The following GTSE1 variants were observed in gnomAD, a reference collection of about 807,000 sequenced individuals.
GTSE1 encodes G2 and S-phase expressed 1.
GTSE1 carries 52 observed loss-of-function variants against 60.5 expected under a neutral mutation model. The ratio of observed to expected loss-of-function variants is 0.86; its 90% CI spans 0.69 to 1.08. The LOEUF (loss-of-function observed/expected upper bound fraction) is 1.08, where lower values mean the gene tolerates loss of function less well. GTSE1 is among the 50% of genes least tolerant of loss of function. GTSE1 has a pLI of 0.00. For synonymous variants in GTSE1, 368 were observed against 386.5 expected, an observed-to-expected ratio of 0.95 and a Z score of 0.56; for missense variants, 937 against 961.8, an observed-to-expected ratio of 0.97 and a Z score of 0.34.
Position 46,330,115 on chromosome 22 carries a change from ACTC to A in GTSE1, c.2209_2211del (p.Leu737del). On this transcript the variant is annotated inframe_deletion, in exon 12 of 12. Coordinates refer to ENST00000454366, the MANE Select transcript of GTSE1 (RefSeq NM_016426.7). This position sits in a 1 kb window ranked among gnomAD's most constrained non-coding sequence, Gnocchi z 6.0. ...CTGACAAGGAGAACGTGGATTCCCC[ACTC>A]CTCAAGTTCTAAGCCGAACCAAATC... 1 of 1,602,348 alleles carries A rather than the reference ACTC, an allele frequency of 6.2e-7. No homozygotes were observed. Among genetic ancestry groups the A allele is most frequent in the Non-Finnish European group, 8.6e-7 (1 of 1,169,268 alleles).
chr22:46,315,768 C>T (rs2077775579), intron 6 of GTSE1, among the ~76,000 whole-genome samples: 3 of 152,144 alleles, frequency 2.0e-5, no homozygotes, highest in South Asian at 2.1e-4. Context: ...ACATAATCAA[C>T]GAAGATAGGA....
In GTSE1 at chr22:46,329,243, T is replaced by C. The variant is rs913841414; in HGVS notation, c.1927-115T>C. The C allele has an allele frequency of 1.4e-5, 12 of 872,598 alleles. No individual in the cohort carries two copies. In the East Asian group the frequency reaches 2.9e-4, roughly 21 times the overall value. The allele number at this position is 872,598 out of a possible 1,614,324, so 54.1% of individuals were successfully genotyped here. A position where few individuals can be genotyped will look rare whatever the true frequency, so the allele number is the denominator to read the frequency against. ...CTCCTTCCACCAAGGCCCCGCCTGA[T>C]TCCTTGGCTTTCCAAACCGCCAGCC... On this transcript the variant is annotated intron_variant, in intron 10 of 11. Coordinates refer to ENST00000454366, the MANE Select transcript of GTSE1 (RefSeq NM_016426.7). The surrounding 1 kb of genome is among the most constrained non-coding windows in gnomAD (Gnocchi z 6.4).
chr22:46,302,840 G>T (rs1177361106), intron 2 of GTSE1, among the ~76,000 whole-genome samples: 1 of 150,996 alleles, frequency 6.6e-6, no homozygotes, highest in Non-Finnish European at 1.5e-5. Flanking sequence ...AACTTAGTTG[G>T]CATTTTTCCA....
In GTSE1 at chr22:46,316,150, G is replaced by A. The variant is rs2077778357; in HGVS notation, c.1170G>A (p.Val390=). The change falls in exon 7 of 12, where the codon GTG becomes GTA. Residue 390 remains valine, a synonymous_variant. Coordinates refer to ENST00000454366, the MANE Select transcript of GTSE1 (RefSeq NM_016426.7). The surrounding 1 kb of genome is among the most constrained non-coding windows in gnomAD (Gnocchi z 5.0). ...GGCCAGCTCTGCCTGCAGGCCCTGT[G>A]GGGGCATCCTCCTGGCAGGCCAAGC... is the stretch of plus-strand genomic sequence containing the variant. The part of the protein sequence containing the change: ...MLRPALPAGP[V]GASSWQAKRV... The A allele has an allele frequency of 1.2e-6, 2 of 1,611,804 alleles. No individual in the cohort carries two copies. Among genetic ancestry groups the A allele is most frequent in the Non-Finnish European group, 1.7e-6 (2 of 1,178,516 alleles).
In GTSE1 at chr22:46,313,186, AG is replaced by A. The variant is rs1418750225; in HGVS notation, c.928-702del. On this transcript the variant is annotated intron_variant, in intron 5 of 11. Transcript: ENST00000454366. The surrounding 1 kb of genome is among the most constrained non-coding windows in gnomAD (Gnocchi z 4.4). ...CTGTCTAAAAAAAAAAAAAAAAAAA[AG>A]GAAAAGAAAGAAAATTGCGGTTCCT... Among the ~76,000 whole-genome samples, 1 of 149,708 alleles carries A rather than the reference AG, an allele frequency of 6.7e-6. No homozygotes were observed. The highest frequency in any genetic ancestry group is 1.5e-5 in the Non-Finnish European group (1 of 67,464).
At chr22:46,315,797 G>A (rs2077775731) in intron 6 of GTSE1, among the ~76,000 whole-genome samples, 1 of 152,170 alleles carries the variant, frequency 6.6e-6, no homozygotes, top group Admixed American at 6.5e-5. Flanking sequence ...ATTTATGCAT[G>A]CTTATGTACA....
At position 46,324,525 on chromosome 22, in the gene GTSE1, G is replaced by A. The variant is rs545905004; in HGVS notation, c.1505+1263G>A. ...TGGGACTACAGGCGCCCGCCACCAC[G>A]CCCGGCTAAGTTTTTGTATTTTTAG... On this transcript the variant is annotated intron_variant, in intron 8 of 11. Transcript: ENST00000454366. This position sits in a 1 kb window ranked among gnomAD's most constrained non-coding sequence, Gnocchi z 5.2. Among the ~76,000 whole-genome samples the A allele has an allele frequency of 6.9e-4, 105 of 151,962 alleles. No individual in the cohort carries two copies. The highest frequency in any genetic ancestry group is 2.4e-3 in the African/African-American group (100 of 41,426).
rs906153371 is a variant in GTSE1, at chr22:46,329,943, A to T, written c.2137-104A>T. On this transcript the variant is annotated intron_variant, in intron 11 of 11. Transcript: ENST00000454366. The surrounding 1 kb of genome is among the most constrained non-coding windows in gnomAD (Gnocchi z 6.4). ...TTTTCAGTGCACCCGAGCCAGGATG[A>T]GCGAGTGGCTGTGATGACCCACGCA... 3 of 744,696 alleles carry T rather than the reference A, an allele frequency of 4.0e-6. No homozygotes were observed. The highest frequency in any genetic ancestry group is 7.3e-6 in the Non-Finnish European group (3 of 411,254). The allele number at this position is 744,696 out of a possible 1,614,324, so 46.1% of individuals were successfully genotyped here.
rs758677023 is a variant in GTSE1, at chr22:46,313,907, C to A, written c.945C>A (p.Thr315=). ...TGCCCCAGTTGGGGCTGAAGAAGAC[C>A]CTGTTAAAAGCACCCGGCTCTACCA... is the stretch of plus-strand genomic sequence containing the variant. ...PVPNKLGLKK[T]LLKAPGSTSN... The change falls in exon 6 of 12, where the codon ACC becomes ACA. Residue 315 remains threonine (T), a synonymous_variant. Coordinates refer to ENST00000454366, the MANE Select transcript of GTSE1 (RefSeq NM_016426.7). This position sits in a 1 kb window ranked among gnomAD's most constrained non-coding sequence, Gnocchi z 4.4. 1 of 1,614,036 alleles carries A rather than the reference C, an allele frequency of 6.2e-7. No homozygotes were observed. Among genetic ancestry groups the A allele is most frequent in the African/African-American group, 1.3e-5 (1 of 74,920 alleles).
rs1053252732 is a variant in GTSE1, at chr22:46,309,169, T to C, written c.762+226T>C. On this transcript the variant is annotated intron_variant, in intron 4 of 11. Coordinates refer to ENST00000454366, the MANE Select transcript of GTSE1 (RefSeq NM_016426.7). The surrounding 1 kb of genome is among the most constrained non-coding windows in gnomAD (Gnocchi z 6.2). ...TTTCCTCCTAAATTCTGTCTGAAGT[T>C]GTTCCTTTTGTTTTGTTACAATGCT... 3.3e-5 allele frequency among the ~76,000 whole-genome samples: 5 copies of C among 152,236 alleles called. No individual in the cohort carries two copies. Among genetic ancestry groups the C allele is most frequent in the African/African-American group, 1.2e-4 (5 of 41,458 alleles).
Position 46,330,049 on chromosome 22 carries a change from C to A in GTSE1, c.2139C>A (p.Leu713=). The A allele has an allele frequency of 6.2e-7, 1 of 1,601,552 alleles. No homozygotes were observed. The highest frequency in any genetic ancestry group is 8.6e-7 in the Non-Finnish European group (1 of 1,168,498). Residue 713 remains leucine, a splice_region_variant and synonymous_variant, in exon 12 of 12, where the codon CTC becomes CTA. Transcript: ENST00000454366. The surrounding 1 kb of genome is among the most constrained non-coding windows in gnomAD (Gnocchi z 6.0). The part of the protein sequence containing the change: ...VAKPSPVVGQ[L]IDLSSPLIQL... The stretch of plus-strand genomic sequence containing the variant: ...TCCTCCACTCTGCTCTCTTCCAGCT[C>A]ATAGACCTGAGCTCCCCTCTGATCC...
At chr22:46,315,488 C>T (rs2077773598) in intron 6 of GTSE1, among the ~76,000 whole-genome samples, 1 of 139,140 alleles carries the variant, frequency 7.2e-6, no homozygotes, top group Non-Finnish European at 1.5e-5. Context: ...GCCACCACTC[C>T]TGGGCTAAAG....
Position 46,329,973 on chromosome 22 carries a change from G to A in GTSE1, c.2137-74G>A, listed in dbSNP as rs2147836397. 2.2e-6 allele frequency: 2 copies of A among 918,914 alleles called. No individual in the cohort carries two copies. Among genetic ancestry groups the A allele is most frequent in the South Asian group, 2.6e-5 (2 of 76,300 alleles). 56.9% of individuals were successfully genotyped at this position (918,914 alleles called of 1,614,324 possible). A position where few individuals can be genotyped will look rare whatever the true frequency, so the allele number is the denominator to read the frequency against. On this transcript the variant is annotated intron_variant, in intron 11 of 11. Coordinates refer to ENST00000454366, the MANE Select transcript of GTSE1 (RefSeq NM_016426.7). The surrounding 1 kb of genome is among the most constrained non-coding windows in gnomAD (Gnocchi z 6.4). ...GTGGCTGTGATGACCCACGCAGCCAGTCCTCTGTGCAGGGAGGGGAAGGGA... is the reference window on the plus strand; with the variant it reads ...GTGGCTGTGATGACCCACGCAGCCAATCCTCTGTGCAGGGAGGGGAAGGGA...
rs2077792373 is a variant in GTSE1, at chr22:46,318,245, T to A, written c.1432+1833T>A. Among the ~76,000 whole-genome samples the A allele has an allele frequency of 6.6e-6, 1 of 152,180 alleles. No homozygotes were observed. The highest frequency in any genetic ancestry group is 6.5e-5 in the Admixed American group (1 of 15,270). On this transcript the variant is annotated intron_variant, in intron 7 of 11. Coordinates refer to ENST00000454366, the MANE Select transcript of GTSE1 (RefSeq NM_016426.7). The surrounding 1 kb of genome is among the most constrained non-coding windows in gnomAD (Gnocchi z 4.8). Reference sequence around the variant, plus strand: ...AGGTGAGAGGAGCGTCCTGGCCTCCTCTGTCAGGCAGATCTGCCCTCTGGG... The same window carrying A: ...AGGTGAGAGGAGCGTCCTGGCCTCCACTGTCAGGCAGATCTGCCCTCTGGG...
At chr22:46,311,683 A>G (rs1164279075) in intron 4 of GTSE1, among the ~76,000 whole-genome samples, 1 of 152,122 alleles carries the variant, frequency 6.6e-6, no homozygotes, top group Non-Finnish European at 1.5e-5. Context: ...TTATTTTTTG[A>G]CTCTGCTGGC....
chr22:46,323,743 A>C (rs1186122343), intron 8 of GTSE1, among the ~76,000 whole-genome samples: 1 of 152,042 alleles, frequency 6.6e-6, no homozygotes, highest in Non-Finnish European at 1.5e-5. Flanking sequence ...GCTGGAGTGC[A>C]GTGGCACGAT....
In GTSE1 at chr22:46,316,443, TA is replaced by T; in HGVS notation, c.1432+37del. 7.7e-7 allele frequency: 1 copy of T among 1,292,542 alleles called. No individual in the cohort carries two copies. Among genetic ancestry groups the T allele is most frequent in the Non-Finnish European group, 1.1e-6 (1 of 929,452 alleles). The allele number at this position is 1,292,542 out of a possible 1,614,324, so 80.1% of individuals were successfully genotyped here. A position where few individuals can be genotyped will look rare whatever the true frequency, so the allele number is the denominator to read the frequency against. ...TAATAGATACATTTTAATGTGTCTT[TA>T]AAAAATACTGAAGAAATTGCATTTA... On this transcript the variant is annotated intron_variant, in intron 7 of 11. Transcript: ENST00000454366. This position sits in a 1 kb window ranked among gnomAD's most constrained non-coding sequence, Gnocchi z 5.0.
chr22:46,312,420 A>T (rs1242397940), intron 5 of GTSE1, 115 bp downstream of exon 5: 4 of 978,958 alleles, frequency 4.1e-6, no homozygotes, highest in Non-Finnish European at 6.0e-6. Flanking sequence ...TGGGAGGATC[A>T]CTTGAGCCCA....
At chr22:46,327,567 C>G (rs946347602) in intron 9 of GTSE1, among the ~76,000 whole-genome samples, 1 of 152,026 alleles carries the variant, frequency 6.6e-6, no homozygotes, top group Non-Finnish European at 1.5e-5. Context: ...CCCAGCTACT[C>G]AGGCGGCTGA....
Sources: gnomAD v4.1 joint callset for allele counts (sites outside exome capture counted in the v4.1 genomes callset) on GRCh38, gnomAD v4.1.1 for gene constraint, Gnocchi (gnomAD v3.1) non-coding constraint, MANE v1.5 for transcripts, NCBI Gene and HGNC (gene_info 2026-07-23, HGNC 2026-07-21) for gene names.